Variants in LIPI observed in about 807,000 individuals in gnomAD.
The protein encoded by LIPI is lipase I, also known as lipase member I.
LIPI carries 59 observed loss-of-function variants against 50.6 expected under a neutral mutation model. The observed-to-expected ratio is 1.16, with a 90% CI of 0.94 to 1.45. The LOEUF (loss-of-function observed/expected upper bound fraction) is 1.45, where lower values mean the gene tolerates loss of function less well. LIPI is among the 40% of genes most tolerant of loss of function. The pLI, the probability that LIPI is intolerant of heterozygous loss-of-function variation, is 0.00. For missense variants in LIPI, 586 were observed against 536.3 expected, an observed-to-expected ratio of 1.09 and a Z score of -0.92; for synonymous variants, 203 against 178.2, an observed-to-expected ratio of 1.14 and a Z score of -1.11.
At position 14,144,603 on chromosome 21, in the gene LIPI, T is replaced by G. The variant is rs1181522269; in HGVS notation, c.1295+20A>C. ...AAGTTTAAAAGATAACATGTTGAAA[T>G]CAAAATTTAATTTTCTTACCTTTCT... On this transcript the variant is annotated intron_variant, in intron 9 of 9. Coordinates refer to ENST00000681601, the MANE Select transcript of LIPI (RefSeq NM_001302998.2). The G allele has an allele frequency of 1.5e-6, 2 of 1,352,474 alleles. No homozygotes were observed. The highest frequency in any genetic ancestry group is 3.5e-5 in the Admixed American group (2 of 57,058). 83.8% of individuals were successfully genotyped at this position (1,352,474 alleles called of 1,614,324 possible). A position where few individuals can be genotyped will look rare whatever the true frequency, so the allele number is the denominator to read the frequency against.
chr21:14,198,331 G>C (rs1326748690), intron 1 of LIPI, among the ~76,000 whole-genome samples: 2 of 152,052 alleles, frequency 1.3e-5, no homozygotes. Context: ...TGGCAAACTG[G>C]ATAAAGTGCC....
At chr21:14,119,563 C>G (rs568841625) in intron 9 of LIPI, among the ~76,000 whole-genome samples, 1 of 152,132 alleles carries the variant, frequency 6.6e-6, no homozygotes, top group Admixed American at 6.5e-5. Context: ...CCTAGCAAAA[C>G]CTTTATATGA....
In LIPI at chr21:14,154,279, G is replaced by A. The variant is rs144725138; in HGVS notation, c.1007-1595C>T. On this transcript the variant is annotated intron_variant, in intron 7 of 9. Coordinates refer to ENST00000681601, the MANE Select transcript of LIPI (RefSeq NM_001302998.2). The stretch of plus-strand genomic sequence containing the variant: ...AGTGTATCTGAAAACAAGAGAAGTC[G>A]TATTTTCAATGTGCTGAGCATATAA... Among the ~76,000 whole-genome samples, 36 of 152,136 alleles carry A rather than the reference G, an allele frequency of 2.4e-4. No individual in the cohort carries two copies. The East Asian group carries it at 5.0e-3, about 21-fold the overall frequency.
chr21:14,152,396 C>A (rs528664260), intron 8 of LIPI, among the ~76,000 whole-genome samples, 177 bp downstream of exon 8: 1 of 152,172 alleles, frequency 6.6e-6, no homozygotes, highest in Admixed American at 6.6e-5. Context: ...CATATGTTAT[C>A]TTTCTCTGTA....
At position 14,199,680 on chromosome 21, in the gene LIPI, G is replaced by A. The variant is rs192560248; in HGVS notation, c.47-10261C>T. Among the ~76,000 whole-genome samples the A allele has an allele frequency of 1.7e-4, 25 of 151,342 alleles. 1 individual carries two copies. The highest frequency in any genetic ancestry group is 5.8e-4 in the African/African-American group (24 of 41,314). Reference sequence around the variant, plus strand: ...GAATTCTACTAGATATAAAAGAAGAGCTGGTACCATTCCTACTGAAACTGT... The same window carrying A: ...GAATTCTACTAGATATAAAAGAAGAACTGGTACCATTCCTACTGAAACTGT... On this transcript the variant is annotated intron_variant, in intron 1 of 9. Transcript: ENST00000681601.
chr21:14,113,881 G>A (rs1170237529), intron 9 of LIPI, among the ~76,000 whole-genome samples: 1 of 152,172 alleles, frequency 6.6e-6, no homozygotes. Context: ...CGAAGGGGAA[G>A]CCCCTTAAAA....
chr21:14,164,505 T>C (rs868039075), intron 6 of LIPI, among the ~76,000 whole-genome samples: 3 of 152,186 alleles, frequency 2.0e-5, no homozygotes, highest in Admixed American at 6.6e-5. Flanking sequence ...TTGTAATCAC[T>C]ACCTATTCCT....
chr21:14,110,430 G>C (rs932737034), intron 9 of LIPI, among the ~76,000 whole-genome samples: 2 of 151,788 alleles, frequency 1.3e-5, no homozygotes, highest in Non-Finnish European at 2.9e-5. Context: ...TTGTGGAATG[G>C]TTAAATATAG....
At chr21:14,142,442 ATATAAG>A (rs1255719352) in intron 9 of LIPI, among the ~76,000 whole-genome samples, 2 of 149,574 alleles carry the variant, frequency 1.3e-5, no homozygotes, top group Non-Finnish European at 3.0e-5. Flanking sequence ...ATTATGTATT[ATATAAG>A]TATATTTATA....
At chr21:14,179,922 G>C (rs1182605019) in intron 4 of LIPI, among the ~76,000 whole-genome samples, 1 of 152,120 alleles carries the variant, frequency 6.6e-6, no homozygotes, top group Non-Finnish European at 1.5e-5. Context: ...GTGGGGTCGG[G>C]CAAAAAGAGC....
At chr21:14,195,416 G>A (rs2019811632) in intron 1 of LIPI, among the ~76,000 whole-genome samples, 1 of 152,114 alleles carries the variant, frequency 6.6e-6, no homozygotes, top group Admixed American at 6.6e-5. Context: ...CCCCAGAATG[G>A]TCAGACTTTA....
chr21:14,180,791 T>G (rs435081), intron 4 of LIPI, among the ~76,000 whole-genome samples: 76,967 of 151,938 alleles, frequency 0.51, 19,952 homozygotes, highest in Non-Finnish European at 0.56. Context: ...GTAGTCATGG[T>G]GGTTGAAAAA....
At chr21:14,181,908 C>A (rs1358875335) in intron 3 of LIPI, 49 bp from the exon 4 acceptor site, 1 of 957,590 alleles carries the variant, frequency 1.0e-6, no homozygotes. Context: ...CACAGAGCTC[C>A]TTACATTGCA....
chr21:14,138,187 C>A (rs1600851359), intron 9 of LIPI, among the ~76,000 whole-genome samples: 2 of 150,432 alleles, frequency 1.3e-5, no homozygotes, highest in African/African-American at 4.9e-5. Context: ...GCACCTGAAC[C>A]CCCTAAACAT....
chr21:14,129,809 T>A (rs866603152), intron 9 of LIPI, among the ~76,000 whole-genome samples: 225 of 136,434 alleles, frequency 1.6e-3, no homozygotes, highest in South Asian at 3.2e-3. Flanking sequence ...TTTTTTTTTT[T>A]AAAAAAAAAA....
At chr21:14,116,429 CTGAGAGTGAAAG>C (rs1274341819) in intron 9 of LIPI, among the ~76,000 whole-genome samples, 1 of 152,082 alleles carries the variant, frequency 6.6e-6, no homozygotes, top group African/African-American at 2.4e-5. Context: ...TCTGGTGAAT[CTGAGAGTGAAAG>C]TGAGAGTGAA....
intron 1 of LIPI, among the ~76,000 whole-genome samples, chr21:14,197,026 TACACAC>T (rs140607205): frequency 5.8e-4 from 85 of 147,206 alleles, no homozygotes; most frequent in African/African-American, 2.1e-3. Context: ...ATAGGACAAA[TACACAC>T]ACACACACAC....
intron 9 of LIPI, among the ~76,000 whole-genome samples, chr21:14,124,145 C>A (rs866808989): frequency 2.4e-4 from 37 of 152,222 alleles, no homozygotes; most frequent in African/African-American, 8.2e-4. Flanking sequence ...CAGAAGCATC[C>A]AGTCTACTAT....
intron 4 of LIPI, among the ~76,000 whole-genome samples, chr21:14,170,487 C>T (rs1410046135): frequency 6.6e-6 from 1 of 152,150 alleles, no homozygotes; most frequent in Non-Finnish European, 1.5e-5. Flanking sequence ...CAAACCGAAT[C>T]CAGCAGCACA....
Sources: allele counts gnomAD v4.1 joint callset (sites outside exome capture counted in the v4.1 genomes callset), GRCh38; gene constraint gnomAD v4.1.1; transcripts MANE v1.5; gene names NCBI Gene and HGNC (gene_info 2026-07-23, HGNC 2026-07-21).